The following WDR19 variants were observed in gnomAD, a reference collection of about 807,000 sequenced individuals.
WDR19 encodes WD repeat-containing protein 19.
WDR19 carries 121 observed loss-of-function variants against 180.0 expected under a neutral mutation model. That is an observed-to-expected ratio of 0.67 (90% CI 0.58 to 0.78). The LOEUF is 0.78. WDR19 is among the 30% of genes least tolerant of loss of function. The pLI, the probability that WDR19 is intolerant of heterozygous loss-of-function variation, is 0.00. For missense variants in WDR19, 1,450 were observed against 1,640.7 expected, an observed-to-expected ratio of 0.88 and a Z score of 2.01; for synonymous variants, 497 against 540.7, an observed-to-expected ratio of 0.92 and a Z score of 1.12.
chr4:39,206,550 T>C (rs1017296206), intron 9 of WDR19, among the ~76,000 whole-genome samples: 1 of 152,142 alleles, frequency 6.6e-6, no homozygotes. Context: ...CAAGCATTAA[T>C]AGAGGACCAA....
At chr4:39,270,583 G>A (rs1735265391) in intron 31 of WDR19, among the ~76,000 whole-genome samples, 1 of 152,044 alleles carries the variant, frequency 6.6e-6, no homozygotes, top group Non-Finnish European at 1.5e-5. Context: ...TCACCATGTT[G>A]GCCAGGCTGA....
chr4:39,278,047 C>A, intron 34 of WDR19, 84 bp from the exon 35 acceptor site: 2 of 1,109,804 alleles, frequency 1.8e-6, no homozygotes, highest in South Asian at 1.4e-5. Context: ...GGGCAAGATT[C>A]CGTCAAAAAA....
chr4:39,206,639 T>C (rs921411624), intron 9 of WDR19, among the ~76,000 whole-genome samples: 2 of 152,196 alleles, frequency 1.3e-5, no homozygotes, highest in Non-Finnish European at 2.9e-5. Context: ...CCTGTAAAGA[T>C]ATTTATGAAC....
rs766421783 is a variant in WDR19, at chr4:39,185,717, A to C, written c.7-9A>C. The C allele has an allele frequency of 6.4e-7, 1 of 1,551,780 alleles. No homozygotes were observed. The highest frequency in any genetic ancestry group is 8.7e-7 in the Non-Finnish European group (1 of 1,146,860). ...TTTGAAAATATTAAAAATTGTGTTT[A>C]TTTTTTAGCGTATTTTCTCACTGCT... On this transcript the variant is annotated splice_polypyrimidine_tract_variant and intron_variant, in intron 1 of 36. Coordinates refer to ENST00000399820, the MANE Select transcript of WDR19 (RefSeq NM_025132.4).
At chr4:39,195,624 C>T (rs1197492420) in intron 5 of WDR19, among the ~76,000 whole-genome samples, 1 of 152,136 alleles carries the variant, frequency 6.6e-6, no homozygotes, top group Non-Finnish European at 1.5e-5. Context: ...CAAGAAGAAA[C>T]ATCTATTCTT....
At chr4:39,202,488 C>T (rs1311106129) in intron 6 of WDR19, among the ~76,000 whole-genome samples, 1 of 152,010 alleles carries the variant, frequency 6.6e-6, no homozygotes, top group Non-Finnish European at 1.5e-5. Flanking sequence ...CATTTTTCAC[C>T]TATCAGGGTG....
At chr4:39,264,979 G>C (rs147878003) in intron 28 of WDR19, among the ~76,000 whole-genome samples, 3 of 150,182 alleles carry the variant, frequency 2.0e-5, no homozygotes, top group Non-Finnish European at 4.4e-5. Context: ...GTGCAGGGAC[G>C]GGATGTCGGC....
Position 39,194,804 on chromosome 4 carries a change from G to A in WDR19, c.406+145G>A, listed in dbSNP as rs369294083. On this transcript the variant is annotated intron_variant, in intron 5 of 36. Coordinates refer to ENST00000399820, the MANE Select transcript of WDR19 (RefSeq NM_025132.4). ...TGTCCCTCCGCAAGTCTTACATTTA[G>A]CTAAACATGAAGATCCCTGTTCACT... 4.0e-5 allele frequency: 24 copies of A among 599,992 alleles called. No homozygotes were observed. In the African/African-American group the frequency reaches 4.1e-4, roughly 10 times the overall value. The allele number at this position is 599,992 out of a possible 1,614,324, so 37.2% of individuals were successfully genotyped here.
At chr4:39,234,906 G>T in intron 20 of WDR19, 31 bp downstream of exon 20, 9 of 1,341,242 alleles carry the variant, frequency 6.7e-6, no homozygotes, top group Non-Finnish European at 8.4e-6. Flanking sequence ...ATTTCAGTCA[G>T]TAGCTAATGA....
Position 39,216,161 on chromosome 4 carries a change from G to C in WDR19, c.1200G>C (p.Leu400=). 6.3e-7 allele frequency: 1 copy of C among 1,592,000 alleles called. No homozygotes were observed. The highest frequency in any genetic ancestry group is 8.6e-7 in the Non-Finnish European group (1 of 1,168,988). ...TTGTGGCAGTAGGTCTTTATCATCTGGCTGTAGGAATGAATAATCGAGCTT... is the reference window on the plus strand; with the variant it reads ...TTGTGGCAGTAGGTCTTTATCATCTCGCTGTAGGAATGAATAATCGAGCTT... ...PNFVAVGLYH[L]AVGMNNRAWF... The change falls in exon 12 of 37, where the codon CTG becomes CTC. Residue 400 remains leucine (L), a synonymous_variant. Transcript: ENST00000399820.
chr4:39,250,299 T>G (rs921302796), intron 24 of WDR19, among the ~76,000 whole-genome samples: 1 of 152,088 alleles, frequency 6.6e-6, no homozygotes, highest in Non-Finnish European at 1.5e-5. Context: ...TTTGACAAAA[T>G]TCAACAACGC....
chr4:39,185,741 C>G lies in WDR19; in HGVS notation c.22C>G (p.Leu8Val). The G allele has an allele frequency of 6.4e-7, 1 of 1,556,742 alleles. No individual in the cohort carries two copies. The highest frequency in any genetic ancestry group is 8.7e-7 in the Non-Finnish European group (1 of 1,149,472). ...TATTTTTTAGCGTATTTTCTCACTG[C>G]TAGAAAAGACTTGGCTTGGCGCACC... MKRIFSL[L>V]EKTWLGAPIQ... Residue 8 changes from leucine to valine, a missense_variant, in exon 2 of 37, where the codon CTA (leucine) becomes GTA (valine). Physicochemically the swap from Leu to Val is conservative, Grantham distance 32. Transcript: ENST00000399820.
At chr4:39,280,514 G>C (rs1355487222) in intron 36 of WDR19, among the ~76,000 whole-genome samples, 1 of 151,266 alleles carries the variant, frequency 6.6e-6, no homozygotes, top group Non-Finnish European at 1.5e-5. Context: ...AATTAGCCAG[G>C]TATGGTGGCA....
At chr4:39,198,560 CA>C (rs952175243) in intron 5 of WDR19, among the ~76,000 whole-genome samples, 6 of 145,040 alleles carry the variant, frequency 4.1e-5, no homozygotes, top group Admixed American at 2.1e-4. Flanking sequence ...GACTCCGTCT[CA>C]AAAAAAAAGA....
At chr4:39,241,590 G>A (rs760592975) in intron 21 of WDR19, among the ~76,000 whole-genome samples, 17 of 151,426 alleles carry the variant, frequency 1.1e-4, no homozygotes, top group Non-Finnish European at 2.1e-4. Flanking sequence ...ATCACTTTAG[G>A]TCAGGAGACC....
chr4:39,282,054 G>T lies in WDR19; in HGVS notation c.*13+3391G>T, dbSNP rs114987525. Among the ~76,000 whole-genome samples, 1,320 of 152,258 alleles carry T rather than the reference G, an allele frequency of 8.7e-3. 10 individuals are homozygous for T. The highest frequency in any genetic ancestry group is 0.018 in the South Asian group (88 of 4,826). ...TATTATAAAGGGCTCACCTGATGAA[G>T]CCCACAACAAACTCTCTTTTGATTT... On this transcript the variant is annotated intron_variant, in intron 36 of 36. Coordinates refer to ENST00000399820, the MANE Select transcript of WDR19 (RefSeq NM_025132.4).
intron 9 of WDR19, among the ~76,000 whole-genome samples, chr4:39,207,541 A>G (rs1158953816): frequency 6.6e-6 from 1 of 152,238 alleles, no homozygotes; most frequent in East Asian, 1.9e-4. Context: ...CAACATTTTG[A>G]ATGACAGTGG....
chr4:39,266,021 T>G, intron 28 of WDR19, 42 bp from the exon 29 acceptor site: 1 of 1,521,310 alleles, frequency 6.6e-7, no homozygotes, highest in Non-Finnish European at 8.9e-7. Context: ...TTGCTCGGTT[T>G]AAGATGCTGA....
At position 39,234,784 on chromosome 4, in the gene WDR19, C is replaced by A. The variant is rs577133819; in HGVS notation, c.2272C>A (p.His758Asn). The part of the protein sequence containing the change: ...AALEMRRDLQ[H>N]WDSALQLAKH... ...TTAACAGATGAGAAGGGATTTACAG[C>A]ATTGGGACAGTGCTCTACAACTGGC... is the stretch of plus-strand genomic sequence containing the variant. The change falls in exon 20 of 37, where the codon CAT becomes AAT. Residue 758 changes from histidine to asparagine, a missense_variant. Transcript: ENST00000399820. 1.9e-6 allele frequency: 3 copies of A among 1,579,708 alleles called. No individual in the cohort carries two copies. The highest frequency in any genetic ancestry group is 2.7e-5 in the African/African-American group (2 of 74,390).
Sources: gnomAD v4.1 joint callset for allele counts (sites outside exome capture counted in the v4.1 genomes callset) on GRCh38, gnomAD v4.1.1 for gene constraint, MANE v1.5 for transcripts, NCBI Gene and HGNC (gene_info 2026-07-23, HGNC 2026-07-21) for gene names.